The following CNTNAP5 variants were observed in gnomAD, a reference collection of about 807,000 sequenced individuals.
CNTNAP5 encodes contactin-associated protein-like 5.
A neutral mutation model predicts 150.2 loss-of-function variants in CNTNAP5; 72 were observed. The observed-to-expected ratio is 0.48, with a 90% CI of 0.40 to 0.58. The LOEUF (loss-of-function observed/expected upper bound fraction) is 0.58, where lower values mean the gene tolerates loss of function less well. CNTNAP5 is among the 20% of genes least tolerant of loss of function. The pLI, the probability that CNTNAP5 is intolerant of heterozygous loss-of-function variation, is 0.00. For synonymous variants in CNTNAP5, 672 were observed against 619.8 expected (o/e 1.08, Z -1.25); for missense variants, 1,636 against 1,626.2 (o/e 1.01, Z -0.10).
intron 13 of CNTNAP5, among the ~76,000 whole-genome samples, chr2:124,736,036 C>T (rs564836065): frequency 1.4e-3 from 215 of 152,146 alleles, no homozygotes; most frequent in African/African-American, 5.1e-3. Flanking sequence ...TTCGATACCA[C>T]CCTGGCCAAC....
At chr2:124,247,908 T>C (rs991951889) in intron 3 of CNTNAP5, among the ~76,000 whole-genome samples, 9 of 152,158 alleles carry the variant, frequency 5.9e-5, no homozygotes, top group African/African-American at 2.2e-4. Flanking sequence ...CTCAAATATA[T>C]TTGTCAGGAT....
chr2:124,417,652 C>T, intron 4 of CNTNAP5, 62 bp downstream of exon 4: 1 of 1,443,442 alleles, frequency 6.9e-7, no homozygotes, highest in Non-Finnish European at 9.6e-7. Flanking sequence ...TACGTAACAT[C>T]AGTTTATCTA....
At chr2:124,831,640 T>A (rs1028020190) in intron 19 of CNTNAP5, among the ~76,000 whole-genome samples, 3 of 151,086 alleles carry the variant, frequency 2.0e-5, no homozygotes, top group Admixed American at 2.0e-4. Flanking sequence ...CATATATCAG[T>A]ATTTTATATA....
At chr2:124,427,174 A>G (rs1049994701) in intron 4 of CNTNAP5, among the ~76,000 whole-genome samples, 2 of 152,198 alleles carry the variant, frequency 1.3e-5, no homozygotes, top group African/African-American at 4.8e-5. Context: ...TCTGAGGAAC[A>G]GATAACAGGT....
intron 3 of CNTNAP5, among the ~76,000 whole-genome samples, chr2:124,391,559 C>T (rs762721133): frequency 2.0e-5 from 3 of 152,156 alleles, no homozygotes; most frequent in Non-Finnish European, 4.4e-5. Context: ...CTTTTCTTTG[C>T]AGCCTCTGAG....
chr2:124,622,592 G>A (rs1373653989), intron 12 of CNTNAP5, among the ~76,000 whole-genome samples: 1 of 152,068 alleles, frequency 6.6e-6, no homozygotes, highest in Non-Finnish European at 1.5e-5. Flanking sequence ...CACCGACAGT[G>A]TAAAAGCATT....
chr2:124,192,430 TG>T (rs1475735774), intron 1 of CNTNAP5, among the ~76,000 whole-genome samples: 1 of 152,126 alleles, frequency 6.6e-6, no homozygotes, highest in Non-Finnish European at 1.5e-5. Context: ...CACTGTCCTG[TG>T]GGGGTTTCTT....
intron 8 of CNTNAP5, among the ~76,000 whole-genome samples, chr2:124,523,879 G>A (rs979388691): frequency 6.6e-6 from 1 of 151,884 alleles, no homozygotes; most frequent in Non-Finnish European, 1.5e-5. Flanking sequence ...TAAAATTGTA[G>A]GAAAGTATGA....
chr2:124,421,634 G>A (rs551243287), intron 4 of CNTNAP5, among the ~76,000 whole-genome samples: 5 of 152,116 alleles, frequency 3.3e-5, no homozygotes, highest in African/African-American at 7.2e-5. Flanking sequence ...TCTTTTACAC[G>A]GTCACCAAAA....
chr2:124,505,121 G>A lies in CNTNAP5; in HGVS notation c.1327+565G>A, dbSNP rs569655267. Among the ~76,000 whole-genome samples the A allele has an allele frequency of 3.6e-4, 55 of 152,204 alleles. No individual in the cohort carries two copies. The South Asian group carries it at 4.4e-3, about 12-fold the overall frequency. On this transcript the variant is annotated intron_variant, in intron 8 of 23. Transcript: ENST00000682447. Reference sequence around the variant, plus strand: ...TCTTAGCAGTCTCATTGGAAAGATGGGAATAAGAATTCTTACCTGGGAGTA... The same window carrying A: ...TCTTAGCAGTCTCATTGGAAAGATGAGAATAAGAATTCTTACCTGGGAGTA...
intron 13 of CNTNAP5, among the ~76,000 whole-genome samples, chr2:124,671,713 C>T (rs1423390099): frequency 2.0e-5 from 3 of 152,164 alleles, no homozygotes; most frequent in Non-Finnish European, 2.9e-5. Flanking sequence ...AATCTTGGCT[C>T]ACTGCAACTT....
intron 21 of CNTNAP5, among the ~76,000 whole-genome samples, chr2:124,893,412 G>T (rs1251439973): frequency 6.6e-6 from 1 of 152,094 alleles, no homozygotes; most frequent in African/African-American, 2.4e-5. Context: ...CTGAAACTGG[G>T]TAAAGCGATC....
chr2:124,533,504 C>T (rs1695159985), intron 10 of CNTNAP5, among the ~76,000 whole-genome samples: 2 of 152,182 alleles, frequency 1.3e-5, no homozygotes, highest in South Asian at 2.1e-4. Flanking sequence ...TGTGTGGAAT[C>T]TGCAAAGCTG....
At chr2:124,737,632 A>C (rs898293798) in intron 13 of CNTNAP5, among the ~76,000 whole-genome samples, 1 of 152,224 alleles carries the variant, frequency 6.6e-6, no homozygotes, top group Admixed American at 6.5e-5. Flanking sequence ...GGGAAATTTC[A>C]ATCAGAGGTA....
chr2:124,533,443 C>T lies in CNTNAP5; in HGVS notation c.1649+5987C>T, dbSNP rs114900387. On this transcript the variant is annotated intron_variant, in intron 10 of 23. Transcript: ENST00000682447. ...GCTGCTACTGGGCTGGCCTGGTGGC[C>T]GTACTCTGAGAACAATGCTGTAAAG... is the stretch of plus-strand genomic sequence containing the variant. 8.4e-3 allele frequency among the ~76,000 whole-genome samples: 1,285 copies of T among 152,238 alleles called. 19 individuals are homozygous for T. The highest frequency in any genetic ancestry group is 0.029 in the African/African-American group (1,205 of 41,550).
At chr2:124,475,261 C>T (rs1288790420) in intron 7 of CNTNAP5, among the ~76,000 whole-genome samples, 1 of 151,990 alleles carries the variant, frequency 6.6e-6, no homozygotes, top group Non-Finnish European at 1.5e-5. Flanking sequence ...TATATGTCTA[C>T]TTATTGTTAA....
intron 12 of CNTNAP5, among the ~76,000 whole-genome samples, chr2:124,630,713 G>A (rs1677834665): frequency 6.6e-6 from 1 of 152,102 alleles, no homozygotes; most frequent in Admixed American, 6.6e-5. Context: ...AGTAGTGTTG[G>A]GAGTTCTGGC....
intron 1 of CNTNAP5, among the ~76,000 whole-genome samples, chr2:124,070,803 A>G (rs936184056): frequency 7.9e-5 from 12 of 152,060 alleles, no homozygotes; most frequent in Non-Finnish European, 1.8e-4. Context: ...CAGATAGAAA[A>G]TCAAGAAAGA....
rs76765844 is a variant in CNTNAP5, at chr2:124,113,705, C to A, written c.82+87973C>A. 9.9e-4 allele frequency among the ~76,000 whole-genome samples: 151 copies of A among 151,930 alleles called. 1 individual carries two copies. The East Asian group carries it at 0.028, about 28-fold the overall frequency. On this transcript the variant is annotated intron_variant, in intron 1 of 23. Coordinates refer to ENST00000682447, the MANE Select transcript of CNTNAP5 (RefSeq NM_001367498.1). ...ATTCAGCAATGTTTTTCCTTATAGCCTCTTGCATCTTGTTTTAAAAATGTA... is the reference window on the plus strand; with the variant it reads ...ATTCAGCAATGTTTTTCCTTATAGCATCTTGCATCTTGTTTTAAAAATGTA...
Sources: allele counts gnomAD v4.1 joint callset (sites outside exome capture counted in the v4.1 genomes callset), GRCh38; gene constraint gnomAD v4.1.1; transcripts MANE v1.5; gene names NCBI Gene and HGNC (gene_info 2026-07-23, HGNC 2026-07-21).